ELFN1: variants seen among roughly 807,000 people sequenced by gnomAD.
The protein encoded by ELFN1 is protein ELFN1.
ELFN1 carries 6 observed loss-of-function variants against 7.6 expected under a neutral mutation model. That is an observed-to-expected ratio of 0.79 (90% CI 0.43 to 1.56). The LOEUF (loss-of-function observed/expected upper bound fraction) is 1.56, where lower values mean the gene tolerates loss of function less well. Ranked by LOEUF, ELFN1 falls within the 40% of genes most tolerant of loss-of-function variation. The probability of loss-of-function intolerance (pLI) is 0.01; values close to 1 mark genes in which losing one functional copy is unlikely to be tolerated. For missense variants in ELFN1, 1,169 were observed against 1,232.2 expected (o/e 0.95, Z 0.77); for synonymous variants, 657 against 588.1 (o/e 1.12, Z -1.70).
rs1488591226 is a variant in ELFN1, at chr7:1,673,091, C to CA, written c.-549+2737_-549+2738insA. Among the ~76,000 whole-genome samples, 1 of 93,832 alleles carries CA rather than the reference C, an allele frequency of 1.1e-5. No individual in the cohort carries two copies. Among genetic ancestry groups the CA allele is most frequent in the South Asian group, 2.8e-4 (1 of 3,612 alleles). 61.6% of individuals were successfully genotyped at this position (93,832 alleles called of 152,430 possible). ...CATTTGTCATCTCTCCAGCGCCCCC[C>CA]CCCGCTCTTTCCTTTTTGTTTTTGT... is the stretch of plus-strand genomic sequence containing the variant. On this transcript the variant is annotated intron_variant, in intron 1 of 3. Coordinates refer to ENST00000424383, the MANE Select transcript of ELFN1 (RefSeq NM_001128636.4). This position sits in a 1 kb window ranked among gnomAD's most constrained non-coding sequence, Gnocchi z 4.7.
rs1167415252 is a variant in ELFN1, at chr7:1,670,360, CG to C, written c.-549+8del. ...AACCGAGGCCGGGCGGGCAGGTAAGCGGCGAGCGCGGCCGGGCGCTGAACCT... is the reference window on the plus strand; with the variant it reads ...AACCGAGGCCGGGCGGGCAGGTAAGCGCGAGCGCGGCCGGGCGCTGAACCT... On this transcript the variant is annotated splice_region_variant and intron_variant, in intron 1 of 3. Coordinates refer to ENST00000424383, the MANE Select transcript of ELFN1 (RefSeq NM_001128636.4). This position sits in a 1 kb window ranked among gnomAD's most constrained non-coding sequence, Gnocchi z 6.4. Among the ~76,000 whole-genome samples, 72 of 151,828 alleles carry C rather than the reference CG, an allele frequency of 4.7e-4. 2 individuals carry two copies. In the South Asian group the frequency reaches 0.015, roughly 31 times the overall value.
chr7:1,686,207 G>T (rs1466261434), intron 1 of ELFN1, among the ~76,000 whole-genome samples: 2 of 150,530 alleles, frequency 1.3e-5, no homozygotes, highest in Admixed American at 1.3e-4. Flanking sequence ...GCTGGGTTTT[G>T]TTGTTGTTGT....
chr7:1,684,614 C>T (rs554344623), intron 1 of ELFN1, among the ~76,000 whole-genome samples: 7 of 152,098 alleles, frequency 4.6e-5, no homozygotes, highest in African/African-American at 1.7e-4. Flanking sequence ...AATTTTTAAA[C>T]TAATTTTTAG....
In ELFN1 at chr7:1,747,079, C is replaced by T. The variant is rs1227761965; in HGVS notation, c.2483C>T (p.Ser828Phe). ...AAGGGCGTGTCGGCCCAGCACAAGT[C>T]CTGAGCCCCCCAAGACCGGCGATGC... Reference protein sequence around the residue: ...YWKGVSAQHKS With the variant: ...YWKGVSAQHKF Residue 828 changes from serine (S) to phenylalanine (F), a missense_variant, in exon 4 of 4, where the codon TCC (serine) becomes TTC (phenylalanine). Ser to Phe is a radical substitution (Grantham distance 155). Transcript: ENST00000424383. 1 of 1,488,312 alleles carries T rather than the reference C, an allele frequency of 6.7e-7. No individual in the cohort carries two copies. The highest frequency in any genetic ancestry group is 2.3e-5 in the Admixed American group (1 of 44,246). The allele number at this position is 1,488,312 out of a possible 1,614,324, so 92.2% of individuals were successfully genotyped here. A position where few individuals can be genotyped will look rare whatever the true frequency, so the allele number is the denominator to read the frequency against.
At chr7:1,715,996 G>T (rs1177916579) in intron 3 of ELFN1, among the ~76,000 whole-genome samples, 2 of 152,222 alleles carry the variant, frequency 1.3e-5, no homozygotes, top group Non-Finnish European at 2.9e-5. Context: ...CCAGGCCCAG[G>T]TTTAACTGTG....
At chr7:1,712,135 G>A (rs1292738891) in intron 3 of ELFN1, among the ~76,000 whole-genome samples, 1 of 152,198 alleles carries the variant, frequency 6.6e-6, no homozygotes, top group Admixed American at 6.5e-5. Context: ...TCGTGTGGGG[G>A]TCCCTTTGCC....
rs1780802809 is a variant in ELFN1 at position 1,746,588 on chromosome 7, CG to C, written c.1993del (p.Ala665ProfsTer19). ...CCGTCGGGGTGCACAAGGCCGCGGC[CG>C]CCGAGGCCAAGTACATCGAGAAGGG... Reference protein sequence around the residue: ...EAVGVHKAAAAEAKYIEKGSP... With the variant: ...EAVGVHKAAAXEAKYIEKGSP... On this transcript the variant is annotated frameshift_variant, in exon 4 of 4. Transcript: ENST00000424383. LOFTEE classifies it low-confidence loss of function (END_TRUNC). The C allele has an allele frequency of 4.5e-6, 6 of 1,345,486 alleles. No individual in the cohort carries two copies. The highest frequency in any genetic ancestry group is 1.6e-5 in the African/African-American group (1 of 64,254). The allele number at this position is 1,345,486 out of a possible 1,614,324, so 83.3% of individuals were successfully genotyped here. A position where few individuals can be genotyped will look rare whatever the true frequency, so the allele number is the denominator to read the frequency against.
upstream of ELFN1, among the ~76,000 whole-genome samples, chr7:1,668,355 G>GGACACC (rs1778703373): frequency 6.6e-6 from 1 of 152,266 alleles, no homozygotes; most frequent in Non-Finnish European, 1.5e-5. Flanking sequence ...GGCACACGGG[G>GGACACC]GACACCTGCG....
chr7:1,692,969 C>T (rs1015762170), intron 2 of ELFN1: 11 of 243,596 alleles, frequency 4.5e-5, no homozygotes, highest in African/African-American at 1.5e-4. Flanking sequence ...GCCTGCGCCA[C>T]GCTCTGCCAT....
chr7:1,667,524 C>T (rs1328487320), upstream of ELFN1, among the ~76,000 whole-genome samples: 1 of 152,150 alleles, frequency 6.6e-6, no homozygotes, highest in Non-Finnish European at 1.5e-5. This position sits in a 1 kb window ranked among gnomAD's most constrained non-coding sequence, Gnocchi z 8.2. Flanking sequence ...GCCTCGAGGG[C>T]CCAGGAGGGT....
chr7:1,710,488 G>C (rs1419125357), intron 3 of ELFN1, among the ~76,000 whole-genome samples: 1 of 152,202 alleles, frequency 6.6e-6, no homozygotes, highest in Admixed American at 6.5e-5. Flanking sequence ...GCCTCACCAG[G>C]ACTTGGTAGG....
chr7:1,668,360 C>G (rs1302836212), upstream of ELFN1, among the ~76,000 whole-genome samples: 1 of 152,260 alleles, frequency 6.6e-6, no homozygotes, highest in Non-Finnish European at 1.5e-5. Flanking sequence ...ACGGGGGACA[C>G]CTGCGAAGGC....
At chr7:1,711,536 G>C (rs1158481375) in intron 3 of ELFN1, among the ~76,000 whole-genome samples, 1 of 150,640 alleles carries the variant, frequency 6.6e-6, no homozygotes, top group Non-Finnish European at 1.5e-5. Flanking sequence ...GGCTCAGAGA[G>C]ACATGGGAAG....
At chr7:1,685,659 G>T (rs1447170576) in intron 1 of ELFN1, among the ~76,000 whole-genome samples, 1 of 150,926 alleles carries the variant, frequency 6.6e-6, no homozygotes, top group Non-Finnish European at 1.5e-5. Context: ...AATAATTTCT[G>T]TCTCTTCATT....
intron 1 of ELFN1, among the ~76,000 whole-genome samples, chr7:1,672,365 C>T (rs1778783710): frequency 6.6e-6 from 1 of 152,192 alleles, no homozygotes; most frequent in South Asian, 2.1e-4. Flanking sequence ...GCTGCTCCTC[C>T]ACCTCCCTAC....
At position 1,744,406 on chromosome 7, in the gene ELFN1, C is replaced by A; in HGVS notation, c.-191C>A. The A allele has an allele frequency of 1.7e-6, 1 of 604,778 alleles. No homozygotes were observed. The highest frequency in any genetic ancestry group is 3.7e-5 in the Admixed American group (1 of 27,302). The allele number at this position is 604,778 out of a possible 1,614,324, so 37.5% of individuals were successfully genotyped here. On this transcript the variant is annotated 5_prime_UTR_variant, in exon 4 of 4. Coordinates refer to ENST00000424383, the MANE Select transcript of ELFN1 (RefSeq NM_001128636.4). The stretch of plus-strand genomic sequence containing the variant: ...CAGGACTGGGGCGGAAGACGAGAGG[C>A]GGCCGGCCGTGAGGGAGGCGCCCTC...
chr7:1,713,343 G>A (rs1779720542), intron 3 of ELFN1, among the ~76,000 whole-genome samples: 3 of 152,306 alleles, frequency 2.0e-5, no homozygotes, highest in East Asian at 1.9e-4. Flanking sequence ...GCTCCTGTGC[G>A]GTCTGACGGT....
chr7:1,672,085 C>T (rs895832083), intron 1 of ELFN1, among the ~76,000 whole-genome samples: 4 of 152,150 alleles, frequency 2.6e-5, no homozygotes, highest in African/African-American at 9.7e-5. Context: ...CTGCTGTGTG[C>T]GTATAATTCA....
chr7:1,740,211 G>A lies in ELFN1; in HGVS notation c.-293-4093G>A, dbSNP rs1780569328. Among the ~76,000 whole-genome samples, 1 of 152,206 alleles carries A rather than the reference G, an allele frequency of 6.6e-6. No homozygotes were observed. Among genetic ancestry groups the A allele is most frequent in the Admixed American group, 6.5e-5 (1 of 15,290 alleles). On this transcript the variant is annotated intron_variant, in intron 3 of 3. Transcript: ENST00000424383. This position sits in a 1 kb window ranked among gnomAD's most constrained non-coding sequence, Gnocchi z 5.0. The stretch of plus-strand genomic sequence containing the variant: ...AGGCCAGGCCCTGGGAGCAGGTGCA[G>A]ATGGGCTGAGAGGAAGGGAGCTCCT...
Sources: gnomAD v4.1 joint callset for allele counts (sites outside exome capture counted in the v4.1 genomes callset) on GRCh38, gnomAD v4.1.1 for gene constraint, Gnocchi (gnomAD v3.1) non-coding constraint, MANE v1.5 for transcripts, NCBI Gene and HGNC (gene_info 2026-07-23, HGNC 2026-07-21) for gene names.